The following PRKN variants were observed in gnomAD, a reference collection of about 807,000 sequenced individuals.
PRKN encodes the protein parkin RBR E3 ubiquitin protein ligase, also known as E3 ubiquitin-protein ligase parkin.
PRKN carries 56 observed loss-of-function variants against 59.5 expected under a neutral mutation model. The ratio of observed to expected loss-of-function variants is 0.94; its 90% CI spans 0.76 to 1.18. The LOEUF is 1.18. PRKN is among the 50% of genes most tolerant of loss of function. The probability of loss-of-function intolerance (pLI) is 0.00; values close to 1 mark genes in which losing one functional copy is unlikely to be tolerated. For synonymous variants in PRKN, 250 were observed against 222.1 expected (o/e 1.13, Z -1.12); for missense variants, 657 against 596.4 (o/e 1.10, Z -1.06).
intron 5 of PRKN, among the ~76,000 whole-genome samples, chr6:161,995,840 T>C (rs1781820294): frequency 6.6e-6 from 1 of 152,064 alleles, no homozygotes; most frequent in Non-Finnish European, 1.5e-5. Flanking sequence ...GAAAACAGTA[T>C]GCAGGCATCT....
At chr6:162,369,265 T>G (rs1785620377) in intron 2 of PRKN, among the ~76,000 whole-genome samples, 1 of 152,200 alleles carries the variant, frequency 6.6e-6, no homozygotes, top group South Asian at 2.1e-4. Context: ...TTTCACTGTC[T>G]GAGGTCAAGG....
intron 1 of PRKN, among the ~76,000 whole-genome samples, chr6:162,685,910 G>A (rs937405691): frequency 2.6e-5 from 4 of 152,030 alleles, no homozygotes; most frequent in East Asian, 1.9e-4. Context: ...CATCATTAAC[G>A]TGTGCATTCA....
At chr6:162,460,989 T>C (rs1235469219) in intron 1 of PRKN, among the ~76,000 whole-genome samples, 1 of 152,170 alleles carries the variant, frequency 6.6e-6, no homozygotes, top group Non-Finnish European at 1.5e-5. Context: ...TTAGACCTAA[T>C]TGCTGGTGAC....
At chr6:161,679,728 A>G (rs1448536159) in intron 7 of PRKN, among the ~76,000 whole-genome samples, 1 of 58,670 alleles carries the variant, frequency 1.7e-5, no homozygotes, top group Non-Finnish European at 3.3e-5. Context: ...AAATGTTTTC[A>G]GTTCAGAGCC....
intron 9 of PRKN, among the ~76,000 whole-genome samples, chr6:161,517,490 C>T (rs1194688247): frequency 6.6e-6 from 1 of 151,948 alleles, no homozygotes; most frequent in East Asian, 1.9e-4. Context: ...CCTGTAATCC[C>T]AGCACTTTGG....
rs7751125 is a variant in PRKN, at chr6:162,249,662, A to T, written c.412+12863T>A. 1.6e-3 allele frequency among the ~76,000 whole-genome samples: 239 copies of T among 151,042 alleles called. 1 individual carries two copies. The highest frequency in any genetic ancestry group is 5.4e-3 in the African/African-American group (221 of 41,072). ...TTAAAAGTCAAATCTAAGATTCCTT[A>T]AAAAAAAATCTCAGGCAGAATTAAT... On this transcript the variant is annotated intron_variant, in intron 3 of 11. Coordinates refer to ENST00000366898, the MANE Select transcript of PRKN (RefSeq NM_004562.3).
chr6:162,100,422 G>T (rs1044910596), intron 4 of PRKN, among the ~76,000 whole-genome samples: 2 of 150,930 alleles, frequency 1.3e-5, no homozygotes, highest in South Asian at 2.1e-4. Context: ...CCTTGCCAGC[G>T]CTTATCACTT....
At chr6:162,048,743 A>G (rs535416787) in intron 5 of PRKN, among the ~76,000 whole-genome samples, 119 of 148,848 alleles carry the variant, frequency 8.0e-4, no homozygotes, top group African/African-American at 2.8e-3. Context: ...AAAAAATCTC[A>G]TAAGAGAGTT....
rs1789738156 is a variant in PRKN at position 161,451,498 on chromosome 6, CCTGCCCACGGCCCACCTGAGGGAACCTG to C, written c.1084-64649_1084-64622del. Among the ~76,000 whole-genome samples, 2 of 152,340 alleles carry C rather than the reference CCTGCCCACGGCCCACCTGAGGGAACCTG, an allele frequency of 1.3e-5. No homozygotes were observed. The highest frequency in any genetic ancestry group is 6.5e-5 in the Admixed American group (1 of 15,312). ...GAGGCAACGCAGCCTCAGGATACCA[CCTGCCCACGGCCCACCTGAGGGAACCTG>C]CTGCCCACAGCCTCTGCTCCCAGAG... On this transcript the variant is annotated intron_variant, in intron 9 of 11. Coordinates refer to ENST00000366898, the MANE Select transcript of PRKN (RefSeq NM_004562.3). The surrounding 1 kb of genome is among the most constrained non-coding windows in gnomAD (Gnocchi z 5.9).
At chr6:161,717,395 A>G (rs1367240391) in intron 7 of PRKN, among the ~76,000 whole-genome samples, 1 of 152,118 alleles carries the variant, frequency 6.6e-6, no homozygotes, top group Non-Finnish European at 1.5e-5. Flanking sequence ...ATAGCACAGG[A>G]TAACTTTACA....
In PRKN at chr6:161,372,634, C is replaced by T. The variant is rs1244952274; in HGVS notation, c.1168-12429G>A. 2.0e-5 allele frequency among the ~76,000 whole-genome samples: 3 copies of T among 152,184 alleles called. No individual in the cohort carries two copies. Among genetic ancestry groups the T allele is most frequent in the South Asian group, 2.1e-4 (1 of 4,814 alleles). Reference sequence around the variant, plus strand: ...ACGGCGGCTCTCAGACCAGCGGCACCGGAAGCGCTTGTGCTGTGGCTCCCC... The same window carrying T: ...ACGGCGGCTCTCAGACCAGCGGCACTGGAAGCGCTTGTGCTGTGGCTCCCC... On this transcript the variant is annotated intron_variant, in intron 10 of 11. Coordinates refer to ENST00000366898, the MANE Select transcript of PRKN (RefSeq NM_004562.3). The surrounding 1 kb of genome is among the most constrained non-coding windows in gnomAD (Gnocchi z 4.2).
chr6:161,860,005 C>T (rs1376879513), intron 6 of PRKN, among the ~76,000 whole-genome samples: 2 of 152,106 alleles, frequency 1.3e-5, no homozygotes, highest in Non-Finnish European at 2.9e-5. Flanking sequence ...ACAGTCGAAG[C>T]TAGTTTTGTG....
intron 2 of PRKN, among the ~76,000 whole-genome samples, chr6:162,349,986 G>C (rs1749983900): frequency 6.6e-6 from 1 of 152,156 alleles, no homozygotes; most frequent in Admixed American, 6.6e-5. Context: ...GAAGTACTAA[G>C]TGAGTTTAGC....
At position 162,530,887 on chromosome 6, in the gene PRKN, T is replaced by A. The variant is rs985441104; in HGVS notation, c.8-87414A>T. On this transcript the variant is annotated intron_variant, in intron 1 of 11. Coordinates refer to ENST00000366898, the MANE Select transcript of PRKN (RefSeq NM_004562.3). ...GCCTGTGCAACATGGTGAAACCCTG[T>A]CTCTACTAAAATACAAATAATTAGC... Among the ~76,000 whole-genome samples the A allele has an allele frequency of 6.6e-5, 10 of 150,722 alleles. No individual in the cohort carries two copies. The East Asian group carries it at 2.0e-3, about 30-fold the overall frequency.
At chr6:161,642,135 A>G (rs1253887973) in intron 7 of PRKN, among the ~76,000 whole-genome samples, 1 of 152,240 alleles carries the variant, frequency 6.6e-6, no homozygotes, top group Non-Finnish European at 1.5e-5. Flanking sequence ...TAATAAAAAG[A>G]AAAAATCTTT....
At chr6:161,628,242 C>G (rs1014946071) in intron 7 of PRKN, among the ~76,000 whole-genome samples, 8 of 152,196 alleles carry the variant, frequency 5.3e-5, no homozygotes, top group African/African-American at 1.4e-4. Flanking sequence ...TCTTAGTCTG[C>G]TCATCCTGCT....
At chr6:162,497,375 A>AT (rs1253175351) in intron 1 of PRKN, among the ~76,000 whole-genome samples, 6 of 152,376 alleles carry the variant, frequency 3.9e-5, no homozygotes, top group Admixed American at 1.3e-4. Flanking sequence ...TAAAGATTAC[A>AT]TAAAGTATCA....
intron 2 of PRKN, among the ~76,000 whole-genome samples, chr6:162,395,413 C>T (rs764032698): frequency 3.3e-5 from 5 of 152,164 alleles, no homozygotes; most frequent in Admixed American, 2.6e-4. Flanking sequence ...CATCAATTTG[C>T]CACATGCACT....
intron 2 of PRKN, among the ~76,000 whole-genome samples, chr6:162,439,384 GCTT>G (rs1458337419): frequency 7.8e-6 from 1 of 127,440 alleles, no homozygotes; most frequent in African/African-American, 3.1e-5. Flanking sequence ...CTTCCTCTCT[GCTT>G]CTTTTTTCTT....
Sources: gnomAD v4.1 joint callset for allele counts (sites outside exome capture counted in the v4.1 genomes callset) on GRCh38, gnomAD v4.1.1 for gene constraint, Gnocchi (gnomAD v3.1) non-coding constraint, MANE v1.5 for transcripts, NCBI Gene and HGNC (gene_info 2026-07-23, HGNC 2026-07-21) for gene names.